The following MCEE variants were observed in gnomAD, a reference collection of about 807,000 sequenced individuals.
MCEE encodes methylmalonyl-CoA epimerase.
MCEE carries 6 observed loss-of-function variants against 12.9 expected under a neutral mutation model. The observed-to-expected ratio is 0.47, with a 90% CI of 0.26 to 0.92. MCEE has a LOEUF of 0.92. Ranked by LOEUF, MCEE falls within the 40% of genes least tolerant of loss-of-function variation. MCEE has a pLI of 0.16. For synonymous variants in MCEE, 78 were observed against 77.9 expected (o/e 1.00, Z -0.01); for missense variants, 214 against 212.1 (o/e 1.01, Z -0.05).
chr2:71,111,625 G>T (rs989253499), intron 2 of MCEE, among the ~76,000 whole-genome samples: 4 of 152,156 alleles, frequency 2.6e-5, no homozygotes, highest in Admixed American at 2.6e-4. Context: ...TCGAAGCTCC[G>T]ATGAAGACAT....
intron 2 of MCEE, among the ~76,000 whole-genome samples, chr2:71,113,095 C>A (rs1439780876): frequency 6.6e-6 from 1 of 152,048 alleles, no homozygotes; most frequent in Non-Finnish European, 1.5e-5. Context: ...ACACATCATA[C>A]CGAAATTGAA....
In MCEE at chr2:71,125,188, A is replaced by AATATAT. The variant is rs67615436; in HGVS notation, c.41-651_41-646dup. Among the ~76,000 whole-genome samples, 45 of 65,674 alleles carry AATATAT rather than the reference A, an allele frequency of 6.9e-4. 1 individual carries two copies. Among genetic ancestry groups the AATATAT allele is most frequent in the East Asian group, 1.6e-3 (5 of 3,220 alleles). The allele number at this position is 65,674 out of a possible 152,430, so 43.1% of individuals were successfully genotyped here. On this transcript the variant is annotated intron_variant, in intron 1 of 2. Coordinates refer to ENST00000244217, the MANE Select transcript of MCEE (RefSeq NM_032601.4). Reference sequence around the variant, plus strand: ...GTGTGTATGTGTGTGTATATATATAAATATATATATATATATATATATATT... The same window carrying AATATAT: ...GTGTGTATGTGTGTGTATATATATAAATATATATATATATATATATATATATATATT...
intron 1 of MCEE, 152 bp downstream of exon 1, chr2:71,130,028 T>A: frequency 1.3e-6 from 1 of 781,946 alleles, no homozygotes. Context: ...GAAGGCACCC[T>A]CTGCCTAAGT....
intron 1 of MCEE, among the ~76,000 whole-genome samples, chr2:71,125,226 T>TTTTTTTTTTTTTTTTTA (rs1673200186): frequency 7.4e-6 from 1 of 135,282 alleles, no homozygotes; most frequent in Non-Finnish European, 1.6e-5. Flanking sequence ...TTTTTTTTTT[T>TTTTTTTTTTTTTTTTTA]GAGACGGAGT....
chr2:71,121,328 G>A (rs1673097593), intron 2 of MCEE, among the ~76,000 whole-genome samples: 1 of 152,158 alleles, frequency 6.6e-6, no homozygotes, highest in Non-Finnish European at 1.5e-5. Context: ...GTGATGCCTG[G>A]AGCAACCTTG....
rs1397618646 is a variant in MCEE at position 71,110,791 on chromosome 2, GTC to G, written c.379-671_379-670del. On this transcript the variant is annotated intron_variant, in intron 2 of 2. Coordinates refer to ENST00000244217, the MANE Select transcript of MCEE (RefSeq NM_032601.4). ...TGGACACTCTAGGAGGAGCAGATGT[GTC>G]TCTCTATACTTGACGGAGAAATGAT... 4 of 152,458 alleles carry G rather than the reference GTC, an allele frequency of 2.6e-5. 1 individual carries two copies. In the Middle Eastern group the frequency reaches 0.01, roughly 389 times the overall value. The allele number at this position is 152,458 out of a possible 1,614,324, so 9.4% of individuals were successfully genotyped here.
chr2:71,127,550 T>A (rs1026957768), intron 1 of MCEE, among the ~76,000 whole-genome samples: 3 of 152,252 alleles, frequency 2.0e-5, no homozygotes, highest in Non-Finnish European at 4.4e-5. Context: ...GTTCACCCAT[T>A]TGAAGTGTAC....
At chr2:71,119,589 C>A (rs954211958) in intron 2 of MCEE, among the ~76,000 whole-genome samples, 1 of 150,282 alleles carries the variant, frequency 6.7e-6, no homozygotes, top group Admixed American at 6.6e-5. Context: ...CACCTTTAAT[C>A]CTCTCTGGAA....
intron 2 of MCEE, among the ~76,000 whole-genome samples, chr2:71,112,539 G>A (rs558664666): frequency 3.5e-5 from 5 of 143,388 alleles, no homozygotes; most frequent in South Asian, 2.3e-4. Context: ...GGGTTCAAGC[G>A]ATTCTCCTGC....
chr2:71,125,211 A>ATATT lies in MCEE; in HGVS notation c.41-669_41-668insAATA. 2.1e-3 allele frequency among the ~76,000 whole-genome samples: 100 copies of ATATT among 48,602 alleles called. 2 individuals are homozygous for ATATT. Among genetic ancestry groups the ATATT allele is most frequent in the African/African-American group, 4.5e-3 (75 of 16,610 alleles). The allele number at this position is 48,602 out of a possible 152,430, so 31.9% of individuals were successfully genotyped here. On this transcript the variant is annotated intron_variant, in intron 1 of 2. Coordinates refer to ENST00000244217, the MANE Select transcript of MCEE (RefSeq NM_032601.4). ...TAAATATATATATATATATATATAT[A>ATATT]TTTTTTTTTTTTTTTGAGACGGAGT...
At chr2:71,126,117 T>C (rs1673226956) in intron 1 of MCEE, among the ~76,000 whole-genome samples, 1 of 152,168 alleles carries the variant, frequency 6.6e-6, no homozygotes, top group Non-Finnish European at 1.5e-5. Context: ...CCCAAAGTGC[T>C]GGGACTACAG....
chr2:71,125,155 TTG>T (rs1366763573), intron 1 of MCEE, among the ~76,000 whole-genome samples: 1 of 138,296 alleles, frequency 7.2e-6, no homozygotes, highest in Non-Finnish European at 1.6e-5. Context: ...CCCAGCTAAT[TTG>T]TGTGTGTGTG....
chr2:71,120,560 A>G (rs778515301), intron 2 of MCEE, among the ~76,000 whole-genome samples: 1 of 150,480 alleles, frequency 6.6e-6, no homozygotes, highest in Non-Finnish European at 1.5e-5. Flanking sequence ...TTAACTATTG[A>G]GATCGTAATC....
chr2:71,110,818 T>C (rs902436096), intron 2 of MCEE: 7 of 152,140 alleles, frequency 4.6e-5, no homozygotes, highest in African/African-American at 4.8e-5. Flanking sequence ...GGAGAAATGA[T>C]CTGCCTCTAT....
rs187038376 is a variant in MCEE, at chr2:71,110,169, C to G, written c.379-47G>C. 128 of 1,554,100 alleles carry G rather than the reference C, an allele frequency of 8.2e-5. No individual in the cohort carries two copies. The Admixed American group carries it at 8.4e-4, about 10-fold the overall frequency. Reference sequence around the variant, plus strand: ...GAACACATTTGAGATCATAAAAATACCAACTTATAGTATCATAAGACTTAG... The same window carrying G: ...GAACACATTTGAGATCATAAAAATAGCAACTTATAGTATCATAAGACTTAG... On this transcript the variant is annotated intron_variant, in intron 2 of 2. Coordinates refer to ENST00000244217, the MANE Select transcript of MCEE (RefSeq NM_032601.4).
At chr2:71,114,657 G>C in intron 2 of MCEE, among the ~76,000 whole-genome samples, 1 of 152,176 alleles carries the variant, frequency 6.6e-6, no homozygotes, top group Non-Finnish European at 1.5e-5. Context: ...GCTGTGTATA[G>C]ATGGTGCCAA....
chr2:71,122,556 A>G (rs760983144), intron 2 of MCEE, among the ~76,000 whole-genome samples: 3 of 152,220 alleles, frequency 2.0e-5, no homozygotes, highest in Non-Finnish European at 4.4e-5. Context: ...GGAGCAAGTC[A>G]CATCTTACAT....
intron 2 of MCEE, among the ~76,000 whole-genome samples, chr2:71,121,654 T>C (rs1361668933): frequency 6.6e-6 from 1 of 150,406 alleles, no homozygotes; most frequent in Non-Finnish European, 1.5e-5. Flanking sequence ...TTTGAAAGCA[T>C]GGGCTCTCTT....
chr2:71,124,968 G>T (rs954624939), intron 1 of MCEE, among the ~76,000 whole-genome samples: 10 of 151,518 alleles, frequency 6.6e-5, no homozygotes, highest in Admixed American at 2.0e-4. Flanking sequence ...TTCATTAAAG[G>T]TATAAATATA....
Sources: gnomAD v4.1 joint callset for allele counts (sites outside exome capture counted in the v4.1 genomes callset) on GRCh38, gnomAD v4.1.1 for gene constraint, MANE v1.5 for transcripts, NCBI Gene and HGNC (gene_info 2026-07-23, HGNC 2026-07-21) for gene names.